Variants in EPB41 observed in about 807,000 individuals in gnomAD.
The protein encoded by EPB41 is erythrocyte membrane protein band 4.1.
In EPB41, 65 loss-of-function variants were observed where a neutral mutation model predicts 108.0. The ratio of observed to expected loss-of-function variants is 0.60; its 90% CI spans 0.49 to 0.74. The LOEUF is 0.74. Ranked by LOEUF, EPB41 falls within the 30% of genes least tolerant of loss-of-function variation. The probability of loss-of-function intolerance (pLI) is 0.00; values close to 1 mark genes in which losing one functional copy is unlikely to be tolerated. For synonymous variants in EPB41, 336 were observed against 358.9 expected (o/e 0.94, Z 0.72); for missense variants, 875 against 1,037.0 (o/e 0.84, Z 2.15).
intron 4 of EPB41, among the ~76,000 whole-genome samples, chr1:29,000,732 C>T (rs984419210): frequency 5.3e-5 from 8 of 152,130 alleles, no homozygotes; most frequent in Admixed American, 2.6e-4. Flanking sequence ...GGACATCCAG[C>T]GGGAACATTG....
chr1:29,009,735 C>T lies in EPB41; in HGVS notation c.787-2130C>T, dbSNP rs565562758. ...GACTAAGGAGAAAACACCCAGGTCACGCCTTTCTGACAGGCTTAAACAAGT... is the reference window on the plus strand; with the variant it reads ...GACTAAGGAGAAAACACCCAGGTCATGCCTTTCTGACAGGCTTAAACAAGT... On this transcript the variant is annotated intron_variant, in intron 4 of 20. Transcript: ENST00000343067. Among the ~76,000 whole-genome samples the T allele has an allele frequency of 2.6e-5, 4 of 152,242 alleles. No homozygotes were observed. The South Asian group carries it at 8.3e-4, about 32-fold the overall frequency.
intron 17 of EPB41, among the ~76,000 whole-genome samples, chr1:29,104,607 G>A (rs1009731722): frequency 4.6e-5 from 7 of 150,982 alleles, no homozygotes; most frequent in South Asian, 2.1e-4. Context: ...TTTTCGAGAC[G>A]GAGTCTCGCT....
chr1:28,958,819 CAAAA>C (rs35105287), intron 1 of EPB41, among the ~76,000 whole-genome samples: 1 of 65,760 alleles, frequency 1.5e-5, no homozygotes. Flanking sequence ...ACCCTGTCTC[CAAAA>C]AAAAAAAAAA....
At chr1:28,966,162 G>A (rs2095352291) in intron 1 of EPB41, among the ~76,000 whole-genome samples, 1 of 151,408 alleles carries the variant, frequency 6.6e-6, no homozygotes. Context: ...TTCCAGCCTG[G>A]GCAACAAGAG....
At chr1:28,989,292 A>C (rs1251389750) in intron 2 of EPB41, 11 of 682,554 alleles carry the variant, frequency 1.6e-5, no homozygotes, top group East Asian at 1.3e-4. Flanking sequence ...TATTTGTCCC[A>C]AAAAATGGGA....
rs1008507410 is a variant in EPB41 at position 28,887,717 on chromosome 1, C to G, written c.-8+507C>G. On this transcript the variant is annotated intron_variant, in intron 1 of 16. Transcript: ENST00000347529. The surrounding 1 kb of genome is among the most constrained non-coding windows in gnomAD (Gnocchi z 4.9). ...CCCTTACGTAACTGACTTTGAGTTT[C>G]CGGACCCAGGAACCGACCCGCCAGC... is the stretch of plus-strand genomic sequence containing the variant. 4 of 984,174 alleles carry G rather than the reference C, an allele frequency of 4.1e-6. No homozygotes were observed. The African/African-American group carries it at 5.2e-5, about 13-fold the overall frequency. 61.0% of individuals were successfully genotyped at this position (984,174 alleles called of 1,614,324 possible). A position where few individuals can be genotyped will look rare whatever the true frequency, so the allele number is the denominator to read the frequency against.
At chr1:29,090,357 G>GA (rs1660744813) in intron 16 of EPB41, among the ~76,000 whole-genome samples, 1 of 152,220 alleles carries the variant, frequency 6.6e-6, no homozygotes, top group South Asian at 2.1e-4. Flanking sequence ...ATCTCTGGGG[G>GA]TTAGCGGATA....
At chr1:29,007,690 C>T (rs1196686871) in intron 4 of EPB41, among the ~76,000 whole-genome samples, 1 of 152,126 alleles carries the variant, frequency 6.6e-6, no homozygotes, top group East Asian at 1.9e-4. Context: ...CTTGAAACTT[C>T]CTATTCCTTT....
chr1:28,987,308 GT>G (rs1395019354), intron 1 of EPB41, 122 bp from the exon 2 acceptor site: 14 of 799,366 alleles, frequency 1.8e-5, no homozygotes, highest in Non-Finnish European at 2.7e-5. Context: ...TGTTTAATGG[GT>G]TTGAATTCTG....
rs376732152 is a variant in EPB41, at chr1:28,994,211, G to A, written c.681+669G>A. On this transcript the variant is annotated intron_variant, in intron 3 of 20. Transcript: ENST00000343067. ...TTTTGAGACAGAGTCTCTCTCTGTCGTCCAGGCTGGAGTGCAGTGGTACAA... is the reference window on the plus strand; with the variant it reads ...TTTTGAGACAGAGTCTCTCTCTGTCATCCAGGCTGGAGTGCAGTGGTACAA... Among the ~76,000 whole-genome samples, 19 of 151,148 alleles carry A rather than the reference G, an allele frequency of 1.3e-4. No individual in the cohort carries two copies. The East Asian group carries it at 1.8e-3, about 14-fold the overall frequency.
At chr1:29,102,770 T>G (rs1252394323) in intron 17 of EPB41, among the ~76,000 whole-genome samples, 2 of 151,416 alleles carry the variant, frequency 1.3e-5, no homozygotes, top group East Asian at 3.9e-4. Flanking sequence ...ATATTCATAT[T>G]TTTATTTTTA....
rs556961906 is a variant in EPB41 at position 28,904,196 on chromosome 1, T to G, written c.-8+16986T>G. 6.3e-4 allele frequency among the ~76,000 whole-genome samples: 96 copies of G among 151,472 alleles called. 1 individual carries two copies. The highest frequency in any genetic ancestry group is 2.3e-3 in the African/African-American group (94 of 41,262). On this transcript the variant is annotated intron_variant, in intron 1 of 16. Transcript: ENST00000347529. Reference sequence around the variant, plus strand: ...TTTTTTTTTTTTTTTTTAAACTTTTTCTTGCCATCACTCAAGTATGGGATC... The same window carrying G: ...TTTTTTTTTTTTTTTTTAAACTTTTGCTTGCCATCACTCAAGTATGGGATC...
chr1:29,045,039 A>C (rs994752063), intron 11 of EPB41, among the ~76,000 whole-genome samples: 3 of 152,202 alleles, frequency 2.0e-5, no homozygotes, highest in African/African-American at 7.2e-5. Context: ...ATAAGTGTTT[A>C]AATTCTCTAA....
At chr1:29,008,812 A>G (rs1021622958) in intron 4 of EPB41, among the ~76,000 whole-genome samples, 1 of 152,212 alleles carries the variant, frequency 6.6e-6, no homozygotes, top group Non-Finnish European at 1.5e-5. Context: ...GCTGAACCAC[A>G]TGCAGCAACT....
chr1:28,948,369 C>T (rs1369627945), intron 1 of EPB41, among the ~76,000 whole-genome samples: 6 of 151,714 alleles, frequency 4.0e-5, no homozygotes, highest in South Asian at 2.1e-4. Flanking sequence ...ATTAGCCAGG[C>T]GCGGTGGCGG....
Position 29,015,868 on chromosome 1 carries a change from A to C in EPB41, c.905+101A>C, listed in dbSNP as rs2096571849. The C allele has an allele frequency of 5.0e-6, 4 of 805,516 alleles. No homozygotes were observed. In the East Asian group the frequency reaches 1.1e-4, roughly 22 times the overall value. The allele number at this position is 805,516 out of a possible 1,614,324, so 49.9% of individuals were successfully genotyped here. On this transcript the variant is annotated intron_variant, in intron 6 of 20. Coordinates refer to ENST00000343067, the MANE Select transcript of EPB41 (RefSeq NM_001376013.1). Reference sequence around the variant, plus strand: ...AAGCTCTGCTAATTCCGTATTCAGAACTGAAGAAAAATAATGATATTAAGT... The same window carrying C: ...AAGCTCTGCTAATTCCGTATTCAGACCTGAAGAAAAATAATGATATTAAGT...
rs757487504 is a variant in EPB41 at position 29,039,359 on chromosome 1, A to G, written c.1569A>G (p.Leu523=). Residue 523 remains leucine, a synonymous_variant, in exon 11 of 21, where the codon CTA becomes CTG. Coordinates refer to ENST00000343067, the MANE Select transcript of EPB41 (RefSeq NM_001376013.1). ...TQAQTRQASA[L]IDRPAPHFER... is the part of the protein sequence containing the mutation. ...CTCAGACCAGGCAAGCTAGTGCTCTAATTGACAGGCCTGCCCCACACTTCG... is the reference window on the plus strand; with the variant it reads ...CTCAGACCAGGCAAGCTAGTGCTCTGATTGACAGGCCTGCCCCACACTTCG... The G allele has an allele frequency of 8.1e-6, 13 of 1,614,060 alleles. No homozygotes were observed. In the Admixed American group the frequency reaches 2.0e-4, roughly 25 times the overall value.
intron 10 of EPB41, among the ~76,000 whole-genome samples, chr1:29,038,179 A>G (rs1022182923): frequency 6.6e-6 from 1 of 152,244 alleles, no homozygotes; most frequent in Non-Finnish European, 1.5e-5. Context: ...CAATTATTTC[A>G]AAATAAAACA....
In EPB41 at chr1:28,927,628, T is replaced by C. The variant is rs149140101; in HGVS notation, c.-8+12860T>C. Among the ~76,000 whole-genome samples, 652 of 152,294 alleles carry C rather than the reference T, an allele frequency of 4.3e-3. 4 individuals are homozygous for C. The highest frequency in any genetic ancestry group is 0.015 in the African/African-American group (626 of 41,558). On this transcript the variant is annotated intron_variant, in intron 1 of 20. Transcript: ENST00000343067. Reference sequence around the variant, plus strand: ...CATCCAATCTACAAGGAGTTTTTATTGCTTTGATGAAATCCCTCCCTCCCC... The same window carrying C: ...CATCCAATCTACAAGGAGTTTTTATCGCTTTGATGAAATCCCTCCCTCCCC...
Sources: gnomAD v4.1 joint callset for allele counts (sites outside exome capture counted in the v4.1 genomes callset) on GRCh38, gnomAD v4.1.1 for gene constraint, Gnocchi (gnomAD v3.1) non-coding constraint, MANE v1.5 for transcripts, NCBI Gene and HGNC (gene_info 2026-07-23, HGNC 2026-07-21) for gene names.